Variants in RGMA observed in about 807,000 individuals in gnomAD.
The protein encoded by RGMA is repulsive guidance molecule A.
Under a neutral mutation model 23.2 loss-of-function variants are expected in RGMA, and 10 were observed. The observed-to-expected ratio is 0.43, with a 90% CI of 0.27 to 0.73. The LOEUF (loss-of-function observed/expected upper bound fraction) is 0.73, where lower values mean the gene tolerates loss of function less well. Ranked by LOEUF, RGMA falls within the 30% of genes least tolerant of loss-of-function variation. The pLI is 0.20. For missense variants in RGMA, 547 were observed against 630.5 expected (o/e 0.87, Z 1.42); for synonymous variants, 308 against 279.3 (o/e 1.10, Z -1.03).
At chr15:93,081,915 AT>A (rs1385885664) in intron 1 of RGMA, among the ~76,000 whole-genome samples, 1 of 152,220 alleles carries the variant, frequency 6.6e-6, no homozygotes, top group Non-Finnish European at 1.5e-5. Flanking sequence ...TCTTTCTTAA[AT>A]TTGTCAAGGC....
At chr15:93,081,383 TTTC>T (rs1292854915) in intron 1 of RGMA, among the ~76,000 whole-genome samples, 1 of 152,224 alleles carries the variant, frequency 6.6e-6, no homozygotes, top group East Asian at 1.9e-4. Context: ...AAGAGTGACA[TTTC>T]TTATGTTTTG....
chr15:93,061,272 G>C (rs1326649105), intron 2 of RGMA, among the ~76,000 whole-genome samples: 1 of 152,220 alleles, frequency 6.6e-6, no homozygotes, highest in African/African-American at 2.4e-5. Flanking sequence ...TCCTGCCTCA[G>C]CCTCCTGAGT....
intron 2 of RGMA, among the ~76,000 whole-genome samples, chr15:93,060,536 C>T (rs972118038): frequency 2.6e-5 from 4 of 152,196 alleles, no homozygotes; most frequent in Admixed American, 1.3e-4. Flanking sequence ...CTCCCAGACC[C>T]GATGGGGGCG....
chr15:93,062,209 A>G (rs750987040), intron 2 of RGMA, among the ~76,000 whole-genome samples: 3 of 152,210 alleles, frequency 2.0e-5, no homozygotes, highest in Non-Finnish European at 4.4e-5. Context: ...TACTTGCTCC[A>G]AGTTCTGGAC....
chr15:93,074,005 G>T (rs1895426984), intron 1 of RGMA: 1 of 1,382,346 alleles, frequency 7.2e-7, no homozygotes, highest in Non-Finnish European at 9.3e-7. Context: ...TCCTAACTCT[G>T]TCGCTTATTT....
chr15:93,063,920 C>CA (rs1417117151), intron 2 of RGMA, among the ~76,000 whole-genome samples: 2 of 152,224 alleles, frequency 1.3e-5, no homozygotes, highest in African/African-American at 4.8e-5. Flanking sequence ...GAATGCCACT[C>CA]ACGGAGCTCA....
intron 1 of RGMA, chr15:93,073,481 G>T: frequency 8.5e-7 from 1 of 1,180,552 alleles, no homozygotes; most frequent in Non-Finnish European, 1.2e-6. Context: ...GGCATGAGGC[G>T]GGGCAGGACG....
chr15:93,038,071 G>C lies in RGMA; in HGVS notation c.*6927C>G, dbSNP rs1241471555. ...CTACTAACACCATGTCTATATCTTAGGGAGGGAAGGATTAAAAAGTCGAAA... is the reference window on the plus strand; with the variant it reads ...CTACTAACACCATGTCTATATCTTACGGAGGGAAGGATTAAAAAGTCGAAA... On this transcript the variant is annotated 3_prime_UTR_variant, in exon 4 of 4. Transcript: ENST00000329082. The C allele has an allele frequency of 2.6e-5, 4 of 152,220 alleles. No homozygotes were observed. The highest frequency in any genetic ancestry group is 5.9e-5 in the Non-Finnish European group (4 of 68,064). The allele number at this position is 152,220 out of a possible 1,614,324, so 9.4% of individuals were successfully genotyped here.
In RGMA at chr15:93,035,708, A is replaced by AG. The variant is rs2054653089; in HGVS notation, c.*9289dup. 1 of 152,282 alleles carries AG rather than the reference A, an allele frequency of 6.6e-6. No individual in the cohort carries two copies. The highest frequency in any genetic ancestry group is 1.5e-5 in the Non-Finnish European group (1 of 68,080). 9.4% of individuals were successfully genotyped at this position (152,282 alleles called of 1,614,324 possible). ...GGGCGGCCTGAGGAGAGATGGGTCA[A>AG]GGCGGGGATCATTGTCAGAACTCAG... is the stretch of plus-strand genomic sequence containing the variant. On this transcript the variant is annotated 3_prime_UTR_variant, in exon 4 of 4. Transcript: ENST00000329082.
intron 1 of RGMA, chr15:93,074,161 A>C: frequency 7.0e-6 from 3 of 430,260 alleles, no homozygotes; most frequent in Non-Finnish European, 6.8e-6. Context: ...TCTTAGTCAA[A>C]CCAACTCCTC....
At chr15:93,060,447 A>C (rs114464031) in intron 2 of RGMA, among the ~76,000 whole-genome samples, 9 of 152,194 alleles carry the variant, frequency 5.9e-5, no homozygotes, top group Non-Finnish European at 1.3e-4. Context: ...GAAATCCCCT[A>C]AACTTGTCCC....
At chr15:93,053,775 C>A (rs1567183116) in intron 2 of RGMA, among the ~76,000 whole-genome samples, 1 of 152,192 alleles carries the variant, frequency 6.6e-6, no homozygotes, top group Non-Finnish European at 1.5e-5. Flanking sequence ...AGATCACAGA[C>A]TTGAGCACGG....
chr15:93,051,362 G>A (rs183737466), intron 3 of RGMA, among the ~76,000 whole-genome samples: 76 of 152,370 alleles, frequency 5.0e-4, no homozygotes, highest in African/African-American at 1.8e-3. Flanking sequence ...GGCACCGGTG[G>A]GCCGGGCACT....
intron 1 of RGMA, among the ~76,000 whole-genome samples, chr15:93,077,252 T>C (rs770020677): frequency 3.9e-5 from 6 of 152,172 alleles, no homozygotes; most frequent in Non-Finnish European, 8.8e-5. Context: ...GATTTATTCT[T>C]TTGGGAGACC....
In RGMA at chr15:93,042,162, C is replaced by T. The variant is rs1188766366; in HGVS notation, c.*2836G>A. 3.4e-5 allele frequency: 5 copies of T among 148,660 alleles called. No homozygotes were observed. The East Asian group carries it at 1.4e-3, about 40-fold the overall frequency. 9.2% of individuals were successfully genotyped at this position (148,660 alleles called of 1,614,324 possible). On this transcript the variant is annotated 3_prime_UTR_variant, in exon 4 of 4. Transcript: ENST00000329082. ...TGGCGACAGAGCAAGACGCCAGACTCCATTTCAAAAATAAAATAAAGTTCT... is the reference window on the plus strand; with the variant it reads ...TGGCGACAGAGCAAGACGCCAGACTTCATTTCAAAAATAAAATAAAGTTCT...
At chr15:93,050,766 C>T (rs1023788614) in intron 3 of RGMA, among the ~76,000 whole-genome samples, 2 of 152,186 alleles carry the variant, frequency 1.3e-5, no homozygotes, top group African/African-American at 2.4e-5. Context: ...CTCACATCCT[C>T]AGACCTCCCT....
chr15:93,051,658 G>A (rs2054921308), intron 3 of RGMA, among the ~76,000 whole-genome samples: 1 of 152,208 alleles, frequency 6.6e-6, no homozygotes, highest in Non-Finnish European at 1.5e-5. Flanking sequence ...CTCAGAATAT[G>A]CCAGGTTCTG....
chr15:93,088,820 G>C, intron 1 of RGMA, 99 bp downstream of exon 1: 1 of 1,130,740 alleles, frequency 8.8e-7, no homozygotes, highest in Non-Finnish European at 1.3e-6. Context: ...TGAGACGCGG[G>C]GCTAAGGAAG....
chr15:93,048,841 G>A (rs367982457), intron 3 of RGMA, among the ~76,000 whole-genome samples: 1 of 151,612 alleles, frequency 6.6e-6, no homozygotes, highest in African/African-American at 2.4e-5. Context: ...GTCCTGCCAT[G>A]GGGGGAGGAT....
Sources: gnomAD v4.1 joint callset for allele counts (sites outside exome capture counted in the v4.1 genomes callset) on GRCh38, gnomAD v4.1.1 for gene constraint, MANE v1.5 for transcripts, NCBI Gene and HGNC (gene_info 2026-07-23, HGNC 2026-07-21) for gene names.